The following AEBP2 variants were observed in gnomAD, a reference collection of about 807,000 sequenced individuals.
AEBP2 encodes the protein zinc finger protein AEBP2.
AEBP2 carries 10 observed loss-of-function variants against 50.8 expected under a neutral mutation model. The ratio of observed to expected loss-of-function variants is 0.20; its 90% CI spans 0.12 to 0.33. AEBP2 has a LOEUF of 0.33. Ranked by LOEUF, AEBP2 falls within the 10% of genes least tolerant of loss-of-function variation. The probability of loss-of-function intolerance (pLI) is 1.00; values close to 1 mark genes in which losing one functional copy is unlikely to be tolerated. For synonymous variants in AEBP2, 296 were observed against 261.3 expected, an observed-to-expected ratio of 1.13 and a Z score of -1.28; for missense variants, 570 against 688.0, an observed-to-expected ratio of 0.83 and a Z score of 1.92.
At chr12:19,446,610 T>TCA (rs1444350674) in intron 1 of AEBP2, among the ~76,000 whole-genome samples, 3 of 152,006 alleles carry the variant, frequency 2.0e-5, no homozygotes, top group Non-Finnish European at 4.4e-5. Context: ...CGGGCACCTG[T>TCA]AGTCCCAGCT....
intron 3 of AEBP2, among the ~76,000 whole-genome samples, chr12:19,490,124 C>T (rs1228675893): frequency 6.9e-6 from 1 of 143,966 alleles, no homozygotes; most frequent in Non-Finnish European, 1.5e-5. Flanking sequence ...TGGAATTGTG[C>T]GTGCACTTGG....
chr12:19,411,625 C>G (rs1392043521), intron 1 of AEBP2, among the ~76,000 whole-genome samples: 1 of 152,158 alleles, frequency 6.6e-6, no homozygotes, highest in Non-Finnish European at 1.5e-5. Context: ...CAAGTAAAGA[C>G]TTATAATACA....
intron 1 of AEBP2, among the ~76,000 whole-genome samples, chr12:19,421,680 G>A (rs1194458062): frequency 6.6e-6 from 1 of 152,186 alleles, no homozygotes; most frequent in Non-Finnish European, 1.5e-5. Context: ...CAGAATGGAT[G>A]CAAACCTTGT....
chr12:19,407,819 C>T (rs1045856974), intron 1 of AEBP2, among the ~76,000 whole-genome samples: 3 of 152,072 alleles, frequency 2.0e-5, no homozygotes, highest in African/African-American at 7.2e-5. Context: ...GAGGCCGAGG[C>T]GGGCGGGTCA....
intron 3 of AEBP2, among the ~76,000 whole-genome samples, chr12:19,477,521 A>G (rs1022976647): frequency 5.9e-5 from 9 of 152,020 alleles, no homozygotes; most frequent in African/African-American, 1.9e-4. Flanking sequence ...TTTTTTTGTT[A>G]TATGCTTTTT....
At chr12:19,405,788 A>G (rs1943636118) in intron 1 of AEBP2, among the ~76,000 whole-genome samples, 1 of 151,916 alleles carries the variant, frequency 6.6e-6, no homozygotes, top group African/African-American at 2.4e-5. Flanking sequence ...AAAATCAATG[A>G]ACCTATAAAC....
chr12:19,457,138 C>A (rs1464024370), intron 1 of AEBP2: 23 of 1,598,380 alleles, frequency 1.4e-5, no homozygotes, highest in Non-Finnish European at 1.9e-5. Context: ...TTCCTCATAT[C>A]TCTTCTGGCT....
At chr12:19,438,154 A>G (rs902839296), upstream of AEBP2, among the ~76,000 whole-genome samples, 1 of 152,228 alleles carries the variant, frequency 6.6e-6, no homozygotes, top group African/African-American at 2.4e-5. Flanking sequence ...GAAAGGCACA[A>G]TTGACTGGTG....
intron 1 of AEBP2, among the ~76,000 whole-genome samples, chr12:19,440,901 A>AT (rs1947946201): frequency 6.6e-6 from 1 of 152,216 alleles, no homozygotes; most frequent in Admixed American, 6.5e-5. Context: ...ATATTAAATC[A>AT]TTGCCTCCCA....
chr12:19,415,332 AAAAAAAAAAAAAAAAAAAAT>A (rs1233858371), intron 1 of AEBP2, among the ~76,000 whole-genome samples: 2 of 36,958 alleles, frequency 5.4e-5, no homozygotes, highest in East Asian at 1.1e-3. Context: ...AAAAAAAAAA[AAAAAAAAAAAAAAAAAAAAT>A]ATATATATAT....
At chr12:19,424,583 A>G (rs541424301) in intron 1 of AEBP2, among the ~76,000 whole-genome samples, 1 of 151,490 alleles carries the variant, frequency 6.6e-6, no homozygotes, top group East Asian at 2.0e-4. Flanking sequence ...TTTTTAGTAG[A>G]GACGGGGTTT....
At chr12:19,412,786 G>C (rs2095740024) in intron 1 of AEBP2, among the ~76,000 whole-genome samples, 2 of 152,140 alleles carry the variant, frequency 1.3e-5, no homozygotes, top group African/African-American at 4.8e-5. Flanking sequence ...GTGCAAGAAA[G>C]AATTCAGGGA....
chr12:19,499,940 A>G (rs60996849), intron 4 of AEBP2, among the ~76,000 whole-genome samples, 157 bp from the exon 5 acceptor site: 10,852 of 152,278 alleles, frequency 0.071, 473 homozygotes, highest in South Asian at 0.2. Flanking sequence ...GCTTTTGCAT[A>G]TTAGTCTTCT....
chr12:19,512,528 C>T lies in AEBP2; in HGVS notation c.1367+63C>T, dbSNP rs1224621862. 228 of 1,030,050 alleles carry T rather than the reference C, an allele frequency of 2.2e-4. 1 individual carries two copies. The African/African-American group carries it at 3.3e-3, about 15-fold the overall frequency. 63.8% of individuals were successfully genotyped at this position (1,030,050 alleles called of 1,614,324 possible). The stretch of plus-strand genomic sequence containing the variant: ...ATGTTTTATTTTTGTTAAAATCTTA[C>T]ACACAAAAATTATTTATTAAATTCA... On this transcript the variant is annotated intron_variant, in intron 6 of 7. Coordinates refer to ENST00000266508, the MANE Select transcript of AEBP2 (RefSeq NM_153207.5).
chr12:19,477,978 T>A (rs917437452), intron 3 of AEBP2, among the ~76,000 whole-genome samples: 2 of 152,230 alleles, frequency 1.3e-5, no homozygotes, highest in Non-Finnish European at 2.9e-5. Context: ...CATGTAAAGG[T>A]GTTCATAGTA....
At chr12:19,451,104 A>G (rs1284311429) in intron 1 of AEBP2, among the ~76,000 whole-genome samples, 6 of 152,350 alleles carry the variant, frequency 3.9e-5, no homozygotes, top group Admixed American at 2.0e-4. Context: ...CAGAGTTAAT[A>G]CACATCAAAC....
At chr12:19,472,818 A>G (rs1484489939) in intron 2 of AEBP2, among the ~76,000 whole-genome samples, 2 of 152,130 alleles carry the variant, frequency 1.3e-5, no homozygotes, top group Non-Finnish European at 2.9e-5. Context: ...TGGTCATTTC[A>G]TTAATTTTTT....
At chr12:19,476,381 A>G (rs1307367712) in intron 3 of AEBP2, among the ~76,000 whole-genome samples, 2 of 152,084 alleles carry the variant, frequency 1.3e-5, no homozygotes, top group African/African-American at 4.8e-5. Context: ...TCGCTCTGTC[A>G]CCCAGGCTGG....
intron 3 of AEBP2, among the ~76,000 whole-genome samples, chr12:19,488,767 A>G (rs953088770): frequency 6.6e-5 from 10 of 152,112 alleles, no homozygotes; most frequent in Non-Finnish European, 1.5e-4. Flanking sequence ...TGTGTTTCAA[A>G]TTTTAGAAAA....
Sources: allele counts gnomAD v4.1 joint callset (sites outside exome capture counted in the v4.1 genomes callset), GRCh38; gene constraint gnomAD v4.1.1; transcripts MANE v1.5; gene names NCBI Gene and HGNC (gene_info 2026-07-23, HGNC 2026-07-21).